CCSER1: variants seen among roughly 807,000 people sequenced by gnomAD.
The protein encoded by CCSER1 is coiled-coil serine rich protein 1.
In CCSER1, 41 loss-of-function variants were observed where a neutral mutation model predicts 82.0. The observed-to-expected ratio is 0.50, with a 90% confidence interval of 0.39 to 0.65. CCSER1 has a LOEUF of 0.65. Ranked by LOEUF, CCSER1 falls within the 30% of genes least tolerant of loss-of-function variation. CCSER1 has a pLI of 0.00. For missense variants in CCSER1, 1,119 were observed against 1,064.2 expected, an observed-to-expected ratio of 1.05 and a Z score of -0.72; for synonymous variants, 414 against 383.9, an observed-to-expected ratio of 1.08 and a Z score of -0.92.
At chr4:91,550,129 G>A (rs76441430) in intron 10 of CCSER1, among the ~76,000 whole-genome samples, 10,598 of 152,182 alleles carry the variant, frequency 0.07, 553 homozygotes, top group South Asian at 0.16. Flanking sequence ...TAGGCTCTGG[G>A]AAAATAGTTT....
intron 7 of CCSER1, among the ~76,000 whole-genome samples, chr4:90,741,529 G>A (rs1341530647): frequency 6.6e-6 from 1 of 152,054 alleles, no homozygotes; most frequent in East Asian, 1.9e-4. Flanking sequence ...GAATCTGGCT[G>A]GGAATTCACA....
chr4:90,597,043 A>G (rs567008533), intron 5 of CCSER1, among the ~76,000 whole-genome samples: 1 of 152,130 alleles, frequency 6.6e-6, no homozygotes, highest in Non-Finnish European at 1.5e-5. Flanking sequence ...TGCTAATTCA[A>G]TCTATTAAGT....
chr4:90,779,563 T>G (rs1210284214), intron 7 of CCSER1, among the ~76,000 whole-genome samples: 3 of 152,222 alleles, frequency 2.0e-5, no homozygotes, highest in Non-Finnish European at 4.4e-5. Flanking sequence ...TAAAGTAATG[T>G]GTGTTATGAG....
chr4:90,369,966 A>G (rs1399570787), intron 3 of CCSER1, among the ~76,000 whole-genome samples: 1 of 152,064 alleles, frequency 6.6e-6, no homozygotes, highest in African/African-American at 2.4e-5. Flanking sequence ...TTATGTCGTT[A>G]ATTTTTGTTT....
intron 5 of CCSER1, among the ~76,000 whole-genome samples, chr4:90,613,349 T>G (rs972805704): frequency 1.3e-5 from 2 of 152,158 alleles, no homozygotes; most frequent in Non-Finnish European, 2.9e-5. Flanking sequence ...GTAGTACTAC[T>G]TGTTCAGAAA....
intron 5 of CCSER1, among the ~76,000 whole-genome samples, chr4:90,507,543 A>G (rs1770878603): frequency 6.6e-6 from 1 of 152,114 alleles, no homozygotes. Flanking sequence ...TATGTATCAT[A>G]TATAGAGGTA....
At chr4:90,168,574 G>A (rs1730975680) in intron 1 of CCSER1, among the ~76,000 whole-genome samples, 1 of 152,148 alleles carries the variant, frequency 6.6e-6, no homozygotes, top group African/African-American at 2.4e-5. Flanking sequence ...GAATGGTACT[G>A]CCTAGGTTTT....
intron 10 of CCSER1, among the ~76,000 whole-genome samples, chr4:91,508,357 T>C (rs1759638984): frequency 6.6e-6 from 1 of 151,856 alleles, no homozygotes; most frequent in Non-Finnish European, 1.5e-5. Flanking sequence ...TCTATTGAGA[T>C]GATCATGTGG....
rs1561385370 is a variant in CCSER1 at position 90,932,996 on chromosome 4, GAAAGAA to G, written c.2172+9551_2172+9556del. 8.9e-5 allele frequency among the ~76,000 whole-genome samples: 5 copies of G among 56,062 alleles called. 1 individual carries two copies. The highest frequency in any genetic ancestry group is 1.6e-4 in the Non-Finnish European group (5 of 31,494). The allele number at this position is 56,062 out of a possible 152,430, so 36.8% of individuals were successfully genotyped here. A position where few individuals can be genotyped will look rare whatever the true frequency, so the allele number is the denominator to read the frequency against. Reference sequence around the variant, plus strand: ...AAAGAAAGAAAGAGAAAGAAAGAAAGAAAGAAAGAAAGAAAGAAAGAAAGAAAGAAA... The same window carrying G: ...AAAGAAAGAAAGAGAAAGAAAGAAAGAGAAAGAAAGAAAGAAAGAAAGAAA... On this transcript the variant is annotated intron_variant, in intron 9 of 10. Transcript: ENST00000509176.
intron 10 of CCSER1, among the ~76,000 whole-genome samples, chr4:91,325,982 C>G (rs1560590603): frequency 3.1e-5 from 2 of 64,238 alleles, no homozygotes; most frequent in Admixed American, 1.3e-4. Context: ...GAAAGAGTAG[C>G]TTTGTTTTTT....
At chr4:90,920,246 T>C in intron 8 of CCSER1, among the ~76,000 whole-genome samples, 1 of 116,414 alleles carries the variant, frequency 8.6e-6, no homozygotes, top group East Asian at 2.1e-4. Context: ...CAATATAAAG[T>C]GAAGGATGTA....
chr4:90,651,742 C>T (rs1219143963), intron 6 of CCSER1, among the ~76,000 whole-genome samples: 1 of 152,024 alleles, frequency 6.6e-6, no homozygotes, highest in African/African-American at 2.4e-5. Flanking sequence ...ATAGCGTTCC[C>T]CCTCTAGGAC....
At chr4:90,155,603 C>T (rs899844735) in intron 1 of CCSER1, among the ~76,000 whole-genome samples, 1 of 152,126 alleles carries the variant, frequency 6.6e-6, no homozygotes, top group African/African-American at 2.4e-5. Context: ...CTGGTTTAGT[C>T]TTGGGAGGGT....
At chr4:91,165,315 C>T (rs541893695) in intron 10 of CCSER1, among the ~76,000 whole-genome samples, 55 of 152,310 alleles carry the variant, frequency 3.6e-4, no homozygotes, top group African/African-American at 1.2e-3. Flanking sequence ...CCTGATCCTT[C>T]CTCTGGAAGC....
In CCSER1 at chr4:90,829,844, C is replaced by T. The variant is rs531188511; in HGVS notation, c.2094+13999C>T. 1.6e-4 allele frequency among the ~76,000 whole-genome samples: 25 copies of T among 152,268 alleles called. No homozygotes were observed. The South Asian group carries it at 5.2e-3, about 32-fold the overall frequency. On this transcript the variant is annotated intron_variant, in intron 8 of 10. Coordinates refer to ENST00000509176, the MANE Select transcript of CCSER1 (RefSeq NM_001145065.2). ...GGCTTCCTGCATATGCAGTGCTTTC[C>T]TTACCTTTTGGAATTGAGCACATTC... is the stretch of plus-strand genomic sequence containing the variant.
intron 8 of CCSER1, among the ~76,000 whole-genome samples, chr4:90,920,074 A>G (rs1309120763): frequency 6.6e-6 from 1 of 151,880 alleles, no homozygotes; most frequent in Admixed American, 6.6e-5. Context: ...TAGAAGAAGG[A>G]ATGACAATGT....
chr4:91,027,676 G>A (rs1740612765), intron 9 of CCSER1, among the ~76,000 whole-genome samples: 1 of 152,010 alleles, frequency 6.6e-6, no homozygotes, highest in South Asian at 2.1e-4. Flanking sequence ...TCCAAACACA[G>A]CATTCTCATT....
intron 4 of CCSER1, among the ~76,000 whole-genome samples, chr4:90,436,932 G>A (rs1449031332): frequency 6.6e-6 from 1 of 150,798 alleles, no homozygotes; most frequent in Admixed American, 6.6e-5. Context: ...TCAGCCTCCC[G>A]AGTAGCTGGG....
At chr4:90,955,704 T>G (rs1376752325) in intron 9 of CCSER1, among the ~76,000 whole-genome samples, 1 of 152,148 alleles carries the variant, frequency 6.6e-6, no homozygotes, top group Non-Finnish European at 1.5e-5. Flanking sequence ...GGTCTTATTC[T>G]TCTTGCCCTC....
Sources: allele counts gnomAD v4.1 joint callset (sites outside exome capture counted in the v4.1 genomes callset), GRCh38; gene constraint gnomAD v4.1.1; transcripts MANE v1.5; gene names NCBI Gene and HGNC (gene_info 2026-07-23, HGNC 2026-07-21).